GALNTL6: variants seen among roughly 807,000 people sequenced by gnomAD.
The protein encoded by GALNTL6 is polypeptide N-acetylgalactosaminyltransferase like 6.
In GALNTL6, 46 loss-of-function variants were observed where a neutral mutation model predicts 73.7. The ratio of observed to expected loss-of-function variants is 0.62; its 90% confidence interval spans 0.49 to 0.80. The LOEUF is 0.80. Among genes scored for constraint, GALNTL6 ranks in the 30% least tolerant of loss-of-function variants. GALNTL6 has a pLI of 0.00. For synonymous variants in GALNTL6, 259 were observed against 263.7 expected, an observed-to-expected ratio of 0.98 and a Z score of 0.17; for missense variants, 604 against 755.0, an observed-to-expected ratio of 0.80 and a Z score of 2.34.
At chr4:172,687,805 C>T (rs895228663) in intron 5 of GALNTL6, among the ~76,000 whole-genome samples, 45 of 151,862 alleles carry the variant, frequency 3.0e-4, no homozygotes, top group African/African-American at 1.0e-3. Context: ...GGGGAAAAGC[C>T]CCTAAGGAAA....
At chr4:172,540,240 G>C (rs1392519939) in intron 5 of GALNTL6, among the ~76,000 whole-genome samples, 1 of 151,450 alleles carries the variant, frequency 6.6e-6, no homozygotes, top group Non-Finnish European at 1.5e-5. Flanking sequence ...TAGTAGACAC[G>C]GGGTTTCACC....
At chr4:172,621,200 G>T (rs1738937576) in intron 5 of GALNTL6, among the ~76,000 whole-genome samples, 1 of 152,102 alleles carries the variant, frequency 6.6e-6, no homozygotes, top group South Asian at 2.1e-4. Flanking sequence ...CTCCTAAGTA[G>T]CTAGCATGCC....
At chr4:172,166,603 A>G (rs1245660345) in intron 2 of GALNTL6, among the ~76,000 whole-genome samples, 1 of 152,200 alleles carries the variant, frequency 6.6e-6, no homozygotes, top group East Asian at 1.9e-4. Context: ...CGTATTATCA[A>G]TATACATCTA....
chr4:172,001,608 G>A (rs1450275556), intron 2 of GALNTL6, among the ~76,000 whole-genome samples: 18 of 152,048 alleles, frequency 1.2e-4, no homozygotes, highest in Admixed American at 1.2e-3. Context: ...TACTGTTAAT[G>A]GTTTCATCAA....
intron 5 of GALNTL6, among the ~76,000 whole-genome samples, chr4:172,586,442 ATACT>A (rs1353620104): frequency 6.6e-6 from 1 of 151,668 alleles, no homozygotes; most frequent in Non-Finnish European, 1.5e-5. Flanking sequence ...TGCCAATGAA[ATACT>A]TACCAACAGT....
At position 172,435,765 on chromosome 4, in the gene GALNTL6, G is replaced by A. The variant is rs762721045; in HGVS notation, c.553+87076G>A. On this transcript the variant is annotated intron_variant, in intron 5 of 12. Transcript: ENST00000506823. ...CCTTTAACCTAGAAAGAAAAGCACC[G>A]AAGATATAACTAGTAAACGTCTGAT... Among the ~76,000 whole-genome samples, 30 of 152,126 alleles carry A rather than the reference G, an allele frequency of 2.0e-4. 1 individual carries two copies. Among genetic ancestry groups the A allele is most frequent in the African/African-American group, 6.5e-4 (27 of 41,516 alleles).
chr4:172,255,416 T>G (rs1041555140), intron 3 of GALNTL6, among the ~76,000 whole-genome samples: 19 of 151,562 alleles, frequency 1.3e-4, no homozygotes, highest in African/African-American at 4.3e-4. Flanking sequence ...AAGGTAAATA[T>G]TTTTCAAGTA....
chr4:172,323,955 G>A (rs991601767), intron 4 of GALNTL6, among the ~76,000 whole-genome samples: 5 of 151,956 alleles, frequency 3.3e-5, no homozygotes, highest in Non-Finnish European at 7.4e-5. Flanking sequence ...TAAATGAGTT[G>A]ACACTCCATC....
At chr4:172,093,580 C>T (rs1013567554) in intron 2 of GALNTL6, among the ~76,000 whole-genome samples, 2 of 152,090 alleles carry the variant, frequency 1.3e-5, no homozygotes, top group Non-Finnish European at 1.5e-5. Context: ...GTGAGTAGCC[C>T]GCAAGGGAGC....
chr4:172,364,750 AG>A (rs1262852513), intron 5 of GALNTL6, among the ~76,000 whole-genome samples: 1 of 152,142 alleles, frequency 6.6e-6, no homozygotes, highest in African/African-American at 2.4e-5. Context: ...ATCTGTCCCT[AG>A]TCAAAGTGGA....
At chr4:172,232,861 A>G (rs958974436) in intron 3 of GALNTL6, among the ~76,000 whole-genome samples, 1 of 151,996 alleles carries the variant, frequency 6.6e-6, no homozygotes, top group Non-Finnish European at 1.5e-5. Flanking sequence ...CATCTTTTGA[A>G]TTATTTGCTC....
At chr4:172,717,564 A>G (rs4695799) in intron 5 of GALNTL6, among the ~76,000 whole-genome samples, 65,870 of 152,112 alleles carry the variant, frequency 0.43, 17,339 homozygotes, top group East Asian at 0.68. Context: ...TAGGGTTGAT[A>G]TACATTGGAA....
intron 5 of GALNTL6, among the ~76,000 whole-genome samples, chr4:172,463,334 C>G (rs1430806731): frequency 7.3e-6 from 1 of 137,652 alleles, no homozygotes. Flanking sequence ...AAATGAGAGA[C>G]AGAAAAAAAA....
chr4:172,471,196 T>C (rs553243639), intron 5 of GALNTL6, among the ~76,000 whole-genome samples: 1 of 152,326 alleles, frequency 6.6e-6, no homozygotes, highest in East Asian at 1.9e-4. Flanking sequence ...CTCCTCAATG[T>C]TCCTGCATGC....
At chr4:172,664,094 T>G (rs188968320) in intron 5 of GALNTL6, among the ~76,000 whole-genome samples, 43 of 152,268 alleles carry the variant, frequency 2.8e-4, no homozygotes, top group Admixed American at 1.2e-3. Flanking sequence ...TGATAGCAAT[T>G]CTGGAATCTA....
intron 10 of GALNTL6, among the ~76,000 whole-genome samples, chr4:172,961,598 G>A (rs1201880415): frequency 5.3e-5 from 8 of 152,138 alleles, no homozygotes; most frequent in Non-Finnish European, 1.0e-4. Context: ...TTGGGTTCAC[G>A]GGTAAAACGT....
chr4:171,870,831 G>A (rs749646855), intron 2 of GALNTL6, among the ~76,000 whole-genome samples: 20 of 152,270 alleles, frequency 1.3e-4, no homozygotes, highest in Non-Finnish European at 2.8e-4. Context: ...GAGCCTAGGA[G>A]GGAGGCTTGG....
chr4:172,420,433 T>A (rs1731010456), intron 5 of GALNTL6, among the ~76,000 whole-genome samples: 2 of 152,200 alleles, frequency 1.3e-5, no homozygotes, highest in Admixed American at 1.3e-4. Flanking sequence ...TGGTAGTTCA[T>A]GCAGCAGGAA....
At chr4:172,254,193 C>T (rs765093149) in intron 3 of GALNTL6, among the ~76,000 whole-genome samples, 1 of 151,764 alleles carries the variant, frequency 6.6e-6, no homozygotes. Flanking sequence ...GGAATTCTAC[C>T]TCATAATGAG....
Sources: allele counts gnomAD v4.1 joint callset (sites outside exome capture counted in the v4.1 genomes callset), GRCh38; gene constraint gnomAD v4.1.1; transcripts MANE v1.5; gene names NCBI Gene and HGNC (gene_info 2026-07-23, HGNC 2026-07-21).